The following NRXN1 variants were observed in gnomAD, a reference collection of about 807,000 sequenced individuals.
NRXN1 encodes the protein neurexin 1.
In NRXN1, 39 loss-of-function variants were observed where a neutral mutation model predicts 150.9. That is an observed-to-expected ratio of 0.26 (90% confidence interval 0.20 to 0.34). NRXN1 has a LOEUF of 0.34. Ranked by LOEUF, NRXN1 falls within the 10% of genes least tolerant of loss-of-function variation. The pLI, the probability that NRXN1 is intolerant of heterozygous loss-of-function variation, is 1.00. For missense variants in NRXN1, 1,815 were observed against 1,949.9 expected (o/e 0.93, Z 1.30); for synonymous variants, 924 against 757.0 (o/e 1.22, Z -3.62).
At chr2:50,673,940 G>A (rs574070157) in intron 5 of NRXN1, among the ~76,000 whole-genome samples, 5 of 152,074 alleles carry the variant, frequency 3.3e-5, no homozygotes, top group East Asian at 3.9e-4. Flanking sequence ...CTCATCACCC[G>A]CCTGTCAGGG....
At chr2:51,031,105 A>G (rs1671474333) in intron 1 of NRXN1, among the ~76,000 whole-genome samples, 1 of 152,062 alleles carries the variant, frequency 6.6e-6, no homozygotes, top group Non-Finnish European at 1.5e-5. Context: ...TGGTTTTCCC[A>G]GTTCTTGGAG....
intron 18 of NRXN1, among the ~76,000 whole-genome samples, chr2:50,106,595 C>T (rs1356036423): frequency 6.6e-6 from 1 of 151,926 alleles, no homozygotes; most frequent in African/African-American, 2.4e-5. Flanking sequence ...AAATGTGAAC[C>T]TAGCACAATT....
intron 18 of NRXN1, among the ~76,000 whole-genome samples, chr2:50,107,313 A>G (rs1701787057): frequency 6.6e-6 from 1 of 151,040 alleles, no homozygotes; most frequent in African/African-American, 2.4e-5. Flanking sequence ...ACTCTACTAG[A>G]ACTTTCAATG....
chr2:50,201,042 T>C (rs2062124261), intron 18 of NRXN1, among the ~76,000 whole-genome samples: 1 of 152,168 alleles, frequency 6.6e-6, no homozygotes, highest in African/African-American at 2.4e-5. Context: ...GTTTAATTTC[T>C]GAGGCCAGTA....
At chr2:49,947,359 C>G (rs1192801952) in intron 21 of NRXN1, among the ~76,000 whole-genome samples, 1 of 151,978 alleles carries the variant, frequency 6.6e-6, no homozygotes, top group Non-Finnish European at 1.5e-5. Flanking sequence ...TTTCCTTCCT[C>G]CACCTGGAGG....
intron 18 of NRXN1, among the ~76,000 whole-genome samples, chr2:50,107,127 G>C (rs1030021899): frequency 3.3e-5 from 5 of 151,928 alleles, no homozygotes; most frequent in African/African-American, 7.2e-5. Context: ...GGAAAGGTGA[G>C]CCTTGCGGCA....
rs1214717675 is a variant in NRXN1, at chr2:49,919,377, C to A, written c.*2567G>T. 6.6e-6 allele frequency: 1 copy of A among 151,954 alleles called. No individual in the cohort carries two copies. The highest frequency in any genetic ancestry group is 1.5e-5 in the Non-Finnish European group (1 of 67,932). 9.4% of individuals were successfully genotyped at this position (151,954 alleles called of 1,614,324 possible). On this transcript the variant is annotated 3_prime_UTR_variant, in exon 23 of 23. Transcript: ENST00000401669. ...TAATTTTGCTGATAATAAACTATAT[C>A]AATCATTGCATGTAACTTTAAAATT... is the stretch of plus-strand genomic sequence containing the variant.
chr2:50,945,094 T>C (rs1484561774), intron 2 of NRXN1, among the ~76,000 whole-genome samples: 1 of 152,174 alleles, frequency 6.6e-6, no homozygotes, highest in East Asian at 1.9e-4. Context: ...AGATAGTAAA[T>C]ATTTTAGGAT....
intron 12 of NRXN1, among the ~76,000 whole-genome samples, chr2:50,507,791 T>C (rs1336774398): frequency 6.6e-6 from 1 of 152,002 alleles, no homozygotes; most frequent in Non-Finnish European, 1.5e-5. Context: ...TTTTCCCTGG[T>C]GTTTTTTTAA....
chr2:50,186,988 C>T (rs1238766042), intron 18 of NRXN1, among the ~76,000 whole-genome samples: 3 of 152,000 alleles, frequency 2.0e-5, no homozygotes, highest in Non-Finnish European at 2.9e-5. Context: ...CATTAAACAA[C>T]ATCTGCAAAA....
At chr2:51,016,317 G>A (rs949119390) in intron 2 of NRXN1, among the ~76,000 whole-genome samples, 6 of 152,078 alleles carry the variant, frequency 3.9e-5, no homozygotes, top group African/African-American at 1.4e-4. Context: ...CAGAGTGACA[G>A]GCAACCTGCA....
intron 18 of NRXN1, among the ~76,000 whole-genome samples, chr2:50,153,017 T>C (rs2058784726): frequency 6.6e-6 from 1 of 151,694 alleles, no homozygotes; most frequent in African/African-American, 2.4e-5. Flanking sequence ...TCTCCAATCA[T>C]TTTTTACTTT....
intron 18 of NRXN1, among the ~76,000 whole-genome samples, chr2:50,219,144 T>C (rs2063613811): frequency 6.6e-6 from 1 of 152,010 alleles, no homozygotes; most frequent in Non-Finnish European, 1.5e-5. Context: ...CTTTGATCCA[T>C]TTCTCAATTA....
At chr2:50,204,643 T>G (rs1426245175) in intron 18 of NRXN1, among the ~76,000 whole-genome samples, 1 of 152,070 alleles carries the variant, frequency 6.6e-6, no homozygotes, top group Non-Finnish European at 1.5e-5. Flanking sequence ...TGGCTTGCCA[T>G]TTGGTTGGGT....
chr2:50,697,583 C>A (rs1349126602), intron 5 of NRXN1, among the ~76,000 whole-genome samples: 2 of 152,204 alleles, frequency 1.3e-5, no homozygotes, highest in African/African-American at 4.8e-5. Flanking sequence ...TAACGCGACA[C>A]TCCCCTGAAA....
Position 50,653,208 on chromosome 2 carries a change from T to C in NRXN1, c.833-29593A>G, listed in dbSNP as rs775329465. ...TTTAGACAAACCAAATCTAGCAGAG[T>C]TTATTTGAGAAAATAAATGATTTAT... On this transcript the variant is annotated intron_variant, in intron 5 of 22. Coordinates refer to ENST00000401669, the MANE Select transcript of NRXN1 (RefSeq NM_001330078.2). 6.3e-4 allele frequency among the ~76,000 whole-genome samples: 96 copies of C among 151,736 alleles called. 2 individuals are homozygous for C. The highest frequency in any genetic ancestry group is 3.9e-4 in the Admixed American group (6 of 15,190).
At chr2:50,996,658 C>T (rs1251609939) in intron 2 of NRXN1, among the ~76,000 whole-genome samples, 1 of 151,862 alleles carries the variant, frequency 6.6e-6, no homozygotes, top group African/African-American at 2.4e-5. Flanking sequence ...GCTTAGACTT[C>T]CACCAGGGAA....
At chr2:49,987,713 A>T (rs1681166627) in intron 21 of NRXN1, among the ~76,000 whole-genome samples, 1 of 151,988 alleles carries the variant, frequency 6.6e-6, no homozygotes, top group Non-Finnish European at 1.5e-5. Context: ...CTACCTAAAT[A>T]GAAGGATGAG....
chr2:50,454,199 G>A (rs2087284229), intron 17 of NRXN1, among the ~76,000 whole-genome samples: 1 of 152,086 alleles, frequency 6.6e-6, no homozygotes, highest in Non-Finnish European at 1.5e-5. Context: ...AGTGGCGCAT[G>A]CCTGTAATCT....
Sources: gnomAD v4.1 joint callset for allele counts (sites outside exome capture counted in the v4.1 genomes callset) on GRCh38, gnomAD v4.1.1 for gene constraint, MANE v1.5 for transcripts, NCBI Gene and HGNC (gene_info 2026-07-23, HGNC 2026-07-21) for gene names.